APBA2: variants seen among roughly 807,000 people sequenced by gnomAD.
APBA2 encodes the protein amyloid beta precursor protein binding family A member 2, also known as amyloid-beta A4 precursor protein-binding family A member 2.
A neutral mutation model predicts 75.0 loss-of-function variants in APBA2; 30 were observed. The ratio of observed to expected loss-of-function variants is 0.40; its 90% CI spans 0.30 to 0.54. APBA2 has a LOEUF of 0.54. Among genes scored for constraint, APBA2 ranks in the 20% least tolerant of loss-of-function variants. The pLI, the probability that APBA2 is intolerant of heterozygous loss-of-function variation, is 0.49. For missense variants in APBA2, 801 were observed against 1,016.1 expected (o/e 0.79, Z 2.88); for synonymous variants, 444 against 409.6 (o/e 1.08, Z -1.01).
intron 3 of APBA2, among the ~76,000 whole-genome samples, chr15:29,023,372 G>T (rs1022595281): frequency 6.7e-6 from 1 of 149,976 alleles, no homozygotes; most frequent in Non-Finnish European, 1.5e-5. Context: ...TTGCTTCTTG[G>T]TCTACCTTTT....
chr15:28,890,384 C>T (rs2032053756), intron 1 of APBA2, among the ~76,000 whole-genome samples: 1 of 152,238 alleles, frequency 6.6e-6, no homozygotes, highest in South Asian at 2.1e-4. Context: ...CCTGCAGTCA[C>T]CTCGGATGTG....
At chr15:28,886,362 G>C (rs1436777953) in intron 1 of APBA2, 84 bp downstream of exon 1, 3 of 151,556 alleles carry the variant, frequency 2.0e-5, no homozygotes, top group Non-Finnish European at 2.9e-5. Context: ...CCGGACGCGT[G>C]GGGGGCGGCG....
At position 29,111,665 on chromosome 15, in the gene APBA2, T is replaced by C. The variant is rs60006223; in HGVS notation, c.2038-2211T>C. 6.2e-3 allele frequency among the ~76,000 whole-genome samples: 949 copies of C among 151,874 alleles called. 13 individuals are homozygous for C. Among genetic ancestry groups the C allele is most frequent in the African/African-American group, 0.022 (902 of 41,418 alleles). On this transcript the variant is annotated intron_variant, in intron 13 of 14. Coordinates refer to ENST00000683413, the MANE Select transcript of APBA2 (RefSeq NM_001353788.2). ...GCTCCATGAGTGCCCGTGGTCATGG[T>C]GGGGGTTGAGGGTAGGGGTCTGGCT... is the stretch of plus-strand genomic sequence containing the variant.
chr15:29,100,777 T>C (rs1270401018), intron 9 of APBA2, among the ~76,000 whole-genome samples: 1 of 152,224 alleles, frequency 6.6e-6, no homozygotes, highest in African/African-American at 2.4e-5. Context: ...GAAGGGACCC[T>C]TCTCCAGAGC....
At chr15:28,923,489 A>C (rs1034712548) in intron 2 of APBA2, among the ~76,000 whole-genome samples, 3 of 148,520 alleles carry the variant, frequency 2.0e-5, no homozygotes, top group African/African-American at 7.5e-5. Flanking sequence ...CTGCCTCATG[A>C]TGCAGGAACA....
intron 1 of APBA2, among the ~76,000 whole-genome samples, chr15:28,887,673 G>A (rs2031840526): frequency 1.3e-5 from 2 of 151,984 alleles, no homozygotes; most frequent in Admixed American, 1.3e-4. Context: ...CTGCCAGGCA[G>A]GAGGGCCAGG....
At chr15:29,074,372 AG>A (rs1334546633) in intron 4 of APBA2, among the ~76,000 whole-genome samples, 1 of 152,220 alleles carries the variant, frequency 6.6e-6, no homozygotes, top group African/African-American at 2.4e-5. Flanking sequence ...CATTTTGCTG[AG>A]TGCAATAAGC....
intron 12 of APBA2, 82 bp downstream of exon 12, chr15:29,106,901 A>C: frequency 7.6e-7 from 1 of 1,322,204 alleles, no homozygotes; most frequent in Non-Finnish European, 1.1e-6. Context: ...TCCCCACTTC[A>C]CTGCAATCCC....
At chr15:29,003,916 C>T (rs1271966616) in intron 3 of APBA2, among the ~76,000 whole-genome samples, 2 of 152,240 alleles carry the variant, frequency 1.3e-5, no homozygotes, top group African/African-American at 4.8e-5. Flanking sequence ...AAGACTTTCA[C>T]AGCAACGTCT....
chr15:28,960,572 G>A (rs1023203273), intron 2 of APBA2, among the ~76,000 whole-genome samples: 36 of 151,930 alleles, frequency 2.4e-4, no homozygotes, highest in Non-Finnish European at 3.7e-4. Flanking sequence ...GGTGGTCTGC[G>A]GGGGGCAGAT....
chr15:29,041,613 T>C (rs1280144983), intron 3 of APBA2, among the ~76,000 whole-genome samples: 1 of 151,930 alleles, frequency 6.6e-6, no homozygotes, highest in Non-Finnish European at 1.5e-5. Context: ...AGAATACTGA[T>C]GAGAGAAATC....
intron 2 of APBA2, among the ~76,000 whole-genome samples, chr15:28,982,879 G>A (rs761278854): frequency 6.6e-6 from 1 of 152,176 alleles, no homozygotes; most frequent in African/African-American, 2.4e-5. Context: ...CGCAATAACG[G>A]GCCAGCTTCC....
At chr15:28,948,192 C>G (rs1003034558) in intron 2 of APBA2, among the ~76,000 whole-genome samples, 2 of 152,222 alleles carry the variant, frequency 1.3e-5, no homozygotes, top group African/African-American at 4.8e-5. Flanking sequence ...GAGAAGGAAT[C>G]AGAGGCTCAC....
At chr15:28,961,868 A>G (rs1162429422) in intron 2 of APBA2, among the ~76,000 whole-genome samples, 1 of 152,122 alleles carries the variant, frequency 6.6e-6, no homozygotes, top group South Asian at 2.1e-4. Flanking sequence ...AAATGAAGTG[A>G]TACTCTAATT....
chr15:28,905,197 G>T (rs547621950), intron 1 of APBA2, among the ~76,000 whole-genome samples: 1 of 152,116 alleles, frequency 6.6e-6, no homozygotes, highest in Admixed American at 6.6e-5. Flanking sequence ...TGAATTCTGC[G>T]GCCCCAGGAG....
At chr15:29,062,385 C>G (rs1231844655) in intron 4 of APBA2, among the ~76,000 whole-genome samples, 2 of 152,136 alleles carry the variant, frequency 1.3e-5, no homozygotes, top group Admixed American at 1.3e-4. Context: ...GCTACTGATT[C>G]CCAGGATTGC....
intron 2 of APBA2, among the ~76,000 whole-genome samples, chr15:28,951,496 A>G (rs2035869842): frequency 6.6e-6 from 1 of 152,268 alleles, no homozygotes; most frequent in Non-Finnish European, 1.5e-5. Context: ...TCACCGAGGT[A>G]CATTGCTTCC....
intron 1 of APBA2, among the ~76,000 whole-genome samples, chr15:28,902,904 T>C (rs912237346): frequency 1.3e-5 from 2 of 152,164 alleles, no homozygotes; most frequent in Non-Finnish European, 2.9e-5. Context: ...AAGCTCATGT[T>C]AGTATTTAGA....
intron 1 of APBA2, among the ~76,000 whole-genome samples, chr15:28,920,629 C>T (rs1439155088): frequency 6.6e-6 from 1 of 152,176 alleles, no homozygotes; most frequent in Non-Finnish European, 1.5e-5. Flanking sequence ...AGCTGGGTGG[C>T]CTGCTCCCAG....
Sources: gnomAD v4.1 joint callset for allele counts (sites outside exome capture counted in the v4.1 genomes callset) on GRCh38, gnomAD v4.1.1 for gene constraint, MANE v1.5 for transcripts, NCBI Gene and HGNC (gene_info 2026-07-23, HGNC 2026-07-21) for gene names.